The following RLN2 variants were observed in gnomAD, a reference collection of about 807,000 sequenced individuals.
The protein encoded by RLN2 is relaxin 2, also known as prorelaxin H2.
In RLN2, 10 loss-of-function variants were observed where a neutral mutation model predicts 7.3. The ratio of observed to expected loss-of-function variants is 1.36; its 90% CI spans 0.84 to 2.31. The LOEUF (loss-of-function observed/expected upper bound fraction) is 2.31. Among genes scored for constraint, RLN2 ranks in the 30% most tolerant of loss-of-function variants. The probability of loss-of-function intolerance (pLI) is 0.00; values close to 1 mark genes in which losing one functional copy is unlikely to be tolerated. For missense variants in RLN2, 298 were observed against 217.6 expected, an observed-to-expected ratio of 1.37 and a Z score of -2.32; for synonymous variants, 103 against 82.3, an observed-to-expected ratio of 1.25 and a Z score of -1.36.
At position 5,300,057 on chromosome 9, in the gene RLN2, ATG is replaced by A. The variant is rs1413917033; in HGVS notation, c.*39_*40del. 2 of 1,226,678 alleles carry A rather than the reference ATG, an allele frequency of 1.6e-6. No homozygotes were observed. The highest frequency in any genetic ancestry group is 2.3e-6 in the Non-Finnish European group (2 of 863,872). The allele number at this position is 1,226,678 out of a possible 1,614,324, so 76.0% of individuals were successfully genotyped here. A position where few individuals can be genotyped will look rare whatever the true frequency, so the allele number is the denominator to read the frequency against. On this transcript the variant is annotated 3_prime_UTR_variant, in exon 2 of 2. Coordinates refer to ENST00000381627, the MANE Select transcript of RLN2 (RefSeq NM_134441.3). ...GCATCAGTGAAATGTCATTAAGAAT[ATG>A]TGTGAATATTATACGAGATGTGCAC...
chr9:5,306,014 G>C (rs541895015), upstream of RLN2, among the ~76,000 whole-genome samples: 1 of 151,566 alleles, frequency 6.6e-6, no homozygotes, highest in South Asian at 2.1e-4. Context: ...TGGGTTGACA[G>C]TCCTTGTAAA....
At chr9:5,330,637 C>CA in the RLN2 span, among the ~76,000 whole-genome samples, 39,348 of 74,288 alleles carry the variant, frequency 0.53, 8,879 homozygotes, top group African/African-American at 0.58. Context: ...GACTCCATCT[C>CA]AAAAAAAAAA....
At chr9:5,304,251 A>G in intron 1 of RLN2, 119 bp downstream of exon 1, 1 of 658,782 alleles carries the variant, frequency 1.5e-6, no homozygotes, top group South Asian at 1.8e-5. Flanking sequence ...GTAGGGGCTG[A>G]GCGGTGGCAG....
chr9:5,307,310 T>A (rs192295463), upstream of RLN2, among the ~76,000 whole-genome samples: 2 of 145,148 alleles, frequency 1.4e-5, no homozygotes, highest in East Asian at 4.0e-4. Context: ...GATAGATAGA[T>A]GATAGATAGA....
chr9:5,324,464 C>T, the RLN2 span, among the ~76,000 whole-genome samples: 1 of 151,900 alleles, frequency 6.6e-6, no homozygotes, highest in Non-Finnish European at 1.5e-5. Context: ...AAATAAATTC[C>T]AATTCCAATG....
chr9:5,335,240 T>G, the RLN2 span: 1 of 1,539,288 alleles, frequency 6.5e-7, no homozygotes, highest in Non-Finnish European at 8.8e-7. Context: ...ATGTGCACAA[T>G]TAGCTTCATC....
the RLN2 span, among the ~76,000 whole-genome samples, chr9:5,330,160 A>G: frequency 6.6e-6 from 1 of 152,062 alleles, no homozygotes; most frequent in Non-Finnish European, 1.5e-5. Context: ...CTGAATGACT[A>G]CTGGGTAAGT....
At chr9:5,311,572 C>A in the RLN2 span, 1 of 794,574 alleles carries the variant, frequency 1.3e-6, no homozygotes, top group Admixed American at 1.7e-5. Flanking sequence ...AGCCTAAAAA[C>A]GCCCATGCAA....
At chr9:5,308,081 T>G (rs957811447), upstream of RLN2, among the ~76,000 whole-genome samples, 4 of 151,874 alleles carry the variant, frequency 2.6e-5, no homozygotes, top group South Asian at 2.1e-4. Flanking sequence ...ATTTGGAGAA[T>G]AAGAAGAAGT....
the RLN2 span, among the ~76,000 whole-genome samples, chr9:5,316,148 G>C: frequency 6.6e-6 from 1 of 151,930 alleles, no homozygotes; most frequent in Non-Finnish European, 1.5e-5. Flanking sequence ...ACAATAAGTT[G>C]TTAAGAAGCA....
At chr9:5,324,065 A>C in the RLN2 span, among the ~76,000 whole-genome samples, 1 of 151,888 alleles carries the variant, frequency 6.6e-6, no homozygotes, top group Non-Finnish European at 1.5e-5. Flanking sequence ...TAAATAAATA[A>C]ATAAAAGATG....
At chr9:5,326,698 G>A in the RLN2 span, among the ~76,000 whole-genome samples, 27 of 152,180 alleles carry the variant, frequency 1.8e-4, no homozygotes, top group African/African-American at 2.9e-4. Flanking sequence ...TATTTTTAGC[G>A]TTCTTGTTTA....
chr9:5,332,203 A>G, the RLN2 span, among the ~76,000 whole-genome samples: 2 of 152,078 alleles, frequency 1.3e-5, no homozygotes, highest in Admixed American at 1.3e-4. Flanking sequence ...AGTGGTGTGC[A>G]GGTGTACTCC....
At chr9:5,335,339 G>C in the RLN2 span, 11 of 1,612,586 alleles carry the variant, frequency 6.8e-6, no homozygotes, top group Non-Finnish European at 7.6e-6. Context: ...CTTTTTTTGA[G>C]AATGAGTATC....
chr9:5,327,476 G>C, the RLN2 span, among the ~76,000 whole-genome samples: 1 of 152,010 alleles, frequency 6.6e-6, no homozygotes, highest in East Asian at 1.9e-4. Context: ...TAGCGGCAGG[G>C]CATAGTAGAA....
chr9:5,316,580 G>A, the RLN2 span, among the ~76,000 whole-genome samples: 1 of 151,954 alleles, frequency 6.6e-6, no homozygotes, highest in African/African-American at 2.4e-5. Context: ...TGCTGAGAAT[G>A]ATGGTTTCCA....
At chr9:5,312,231 A>G in the RLN2 span, among the ~76,000 whole-genome samples, 1 of 152,006 alleles carries the variant, frequency 6.6e-6, no homozygotes, top group African/African-American at 2.4e-5. Flanking sequence ...ATGGAAAAAC[A>G]AATTCGTTTT....
At position 5,300,251 on chromosome 9, in the gene RLN2, A is replaced by G; in HGVS notation, c.405T>C (p.Asn135=). The change falls in exon 2 of 2, where the codon AAT becomes AAC. Residue 135 remains asparagine, a synonymous_variant. Transcript: ENST00000381627. ...LFEEFKKLIR[N]RQSEAADSSP... ...TGCTGTCTGCGGCTTCACTTTGTCT[A>G]TTGCGAATAAGTTTCTTAAATTCTT... 2 of 1,614,044 alleles carry G rather than the reference A, an allele frequency of 1.2e-6. No individual in the cohort carries two copies. The highest frequency in any genetic ancestry group is 1.7e-6 in the Non-Finnish European group (2 of 1,179,946).
At chr9:5,331,000 G>C in the RLN2 span, among the ~76,000 whole-genome samples, 3 of 152,056 alleles carry the variant, frequency 2.0e-5, no homozygotes, top group South Asian at 6.2e-4. Context: ...AAATCTAGAA[G>C]AAATGGATAA....
Sources: allele counts gnomAD v4.1 joint callset (sites outside exome capture counted in the v4.1 genomes callset), GRCh38; gene constraint gnomAD v4.1.1; transcripts MANE v1.5; gene names NCBI Gene and HGNC (gene_info 2026-07-23, HGNC 2026-07-21).